MAP1S: variants seen among roughly 807,000 people sequenced by gnomAD.
MAP1S encodes microtubule associated protein 1S.
Under a neutral mutation model 60.9 loss-of-function variants are expected in MAP1S, and 27 were observed. The observed-to-expected ratio is 0.44, with a 90% confidence interval of 0.33 to 0.61. MAP1S has a LOEUF of 0.61. Among genes scored for constraint, MAP1S ranks in the 20% least tolerant of loss-of-function variants. MAP1S has a pLI of 0.03. For synonymous variants in MAP1S, 826 were observed against 694.2 expected (o/e 1.19, Z -2.98); for missense variants, 1,608 against 1,486.6 (o/e 1.08, Z -1.34).
At position 17,726,557 on chromosome 19, in the gene MAP1S, C is replaced by T. The variant is rs1349527948; in HGVS notation, c.1173C>T (p.Gly391=). The T allele has an allele frequency of 1.3e-6, 2 of 1,573,228 alleles. No homozygotes were observed. Among genetic ancestry groups the T allele is most frequent in the South Asian group, 2.3e-5 (2 of 87,080 alleles). Residue 391 remains glycine, a synonymous_variant, in exon 5 of 7, where the codon GGC becomes GGT. Coordinates refer to ENST00000324096, the MANE Select transcript of MAP1S (RefSeq NM_018174.6). ...PTVLFEKMGV[G]RLDMYVLHPP... ...TGCTCTTCGAGAAGATGGGCGTGGG[C>T]CGGCTGGACATGTATGTGCTGCACC...
rs1419858284 is a variant in MAP1S, at chr19:17,727,511, C to A, written c.2127C>A (p.Ser709=). The stretch of plus-strand genomic sequence containing the variant: ...CCTTTGAGCAGGTGCTGCCGCCATC[C>A]GCCCCCACCAGTGAGGCTGGGCTGA... ...SVSFEQVLPP[S]APTSEAGLSL... The change falls in exon 5 of 7, where the codon TCC becomes TCA. Residue 709 remains serine, a synonymous_variant. Transcript: ENST00000324096. The surrounding 1 kb of genome is among the most constrained non-coding windows in gnomAD (Gnocchi z 4.1). 6.2e-7 allele frequency: 1 copy of A among 1,610,854 alleles called. No homozygotes were observed.
At chr19:17,720,900 GGCTGAACTCCC>G (rs764469502) in intron 1 of MAP1S, 25 bp from the exon 2 acceptor site, 2 of 1,534,796 alleles carry the variant, frequency 1.3e-6, no homozygotes, top group South Asian at 2.2e-5. Context: ...TGGGGGGCCC[GGCTGAACTCCC>G]GCCTTGATCC....
chr19:17,726,707 C>G lies in MAP1S; in HGVS notation c.1323C>G (p.Leu441=), dbSNP rs1568292766. The G allele has an allele frequency of 1.3e-6, 2 of 1,591,108 alleles. No individual in the cohort carries two copies. The highest frequency in any genetic ancestry group is 1.7e-6 in the Non-Finnish European group (2 of 1,172,462). ...CCGGTTGCACCCCGCCCGCCTGCCT[C>G]CTGGACGGCCTGGTCCGCCTGCAGC... ...LFPGCTPPAC[L]LDGLVRLQHL... is the part of the protein sequence containing the mutation. Residue 441 remains leucine, a synonymous_variant, in exon 5 of 7, where the codon CTC becomes CTG. Transcript: ENST00000324096.
At chr19:17,733,138 G>T in intron 5 of MAP1S, 55 bp from the exon 6 acceptor site, 2 of 1,255,164 alleles carry the variant, frequency 1.6e-6, no homozygotes, top group Admixed American at 2.4e-5. Context: ...TTGGAGCCTC[G>T]GCCCCTCCCC....
In MAP1S at chr19:17,720,960, C is replaced by T. The variant is rs767956098; in HGVS notation, c.143C>T (p.Pro48Leu). The T allele has an allele frequency of 1.4e-5, 22 of 1,613,992 alleles. No individual in the cohort carries two copies. The Admixed American group carries it at 3.5e-4, about 26-fold the overall frequency. ...ERGIRSWDVD[P>L]GVCNLDEQLK... Reference sequence around the variant, plus strand: ...GGCATCCGGTCTTGGGATGTCGATCCTGGCGTCTGCAACCTTGATGAACAG... The same window carrying T: ...GGCATCCGGTCTTGGGATGTCGATCTTGGCGTCTGCAACCTTGATGAACAG... The change falls in exon 2 of 7, where the codon CCT becomes CTT. Residue 48 changes from proline (P) to leucine (L), a missense_variant. Pro to Leu is a moderately conservative substitution (Grantham distance 98). Coordinates refer to ENST00000324096, the MANE Select transcript of MAP1S (RefSeq NM_018174.6).
At chr19:17,720,852 C>T in intron 1 of MAP1S, 84 bp from the exon 2 acceptor site, 2 of 1,078,238 alleles carry the variant, frequency 1.9e-6, no homozygotes, top group Non-Finnish European at 2.9e-6. Context: ...GGGCGCTCCC[C>T]ACCCACGGGG....
intron 6 of MAP1S, among the ~76,000 whole-genome samples, chr19:17,733,741 T>A (rs1427143921): frequency 6.6e-6 from 1 of 152,134 alleles, no homozygotes; most frequent in Admixed American, 6.5e-5. Context: ...ATGGAATAGG[T>A]GGGCTGGGTG....
rs1170420097 is a variant in MAP1S, at chr19:17,727,062, C to T, written c.1678C>T (p.Pro560Ser). ...NLKKTNAQAA[P>S]KPRKAPSTSH... ...CAAGAAGACGAATGCCCAGGCGGCACCCAAGCCCCGCAAAGCGCCCAGCAC... is the reference window on the plus strand; with the variant it reads ...CAAGAAGACGAATGCCCAGGCGGCATCCAAGCCCCGCAAAGCGCCCAGCAC... Residue 560 changes from proline to serine, a missense_variant, in exon 5 of 7, where the codon CCC (proline) becomes TCC (serine). Physicochemically the swap from Pro to Ser is moderately conservative, Grantham distance 74. Around this residue, in one of 4 missense-constraint regions of MAP1S, gnomAD observed 1,167 missense variants for 961.4 expected, o/e 1.21. Coordinates refer to ENST00000324096, the MANE Select transcript of MAP1S (RefSeq NM_018174.6). The surrounding 1 kb of genome is among the most constrained non-coding windows in gnomAD (Gnocchi z 4.1). 6.2e-7 allele frequency: 1 copy of T among 1,606,436 alleles called. No homozygotes were observed. The highest frequency in any genetic ancestry group is 1.7e-5 in the Admixed American group (1 of 59,428).
At position 17,725,075 on chromosome 19, in the gene MAP1S, C is replaced by T. The variant is rs772019862; in HGVS notation, c.330C>T (p.Ala110=). The T allele has an allele frequency of 1.9e-6, 3 of 1,614,070 alleles. No homozygotes were observed. Among genetic ancestry groups the T allele is most frequent in the Middle Eastern group, 3.3e-4 (2 of 6,084 alleles). ...DELRNLLLDP[A]SHKLLVLAGP... Reference sequence around the variant, plus strand: ...TCCGGAACCTTCTGTTGGACCCTGCCTCTCACAAGCTACTGGTGTTGGCTG... The same window carrying T: ...TCCGGAACCTTCTGTTGGACCCTGCTTCTCACAAGCTACTGGTGTTGGCTG... The change falls in exon 4 of 7, where the codon GCC becomes GCT. Residue 110 remains alanine (A), a synonymous_variant. Coordinates refer to ENST00000324096, the MANE Select transcript of MAP1S (RefSeq NM_018174.6). This position sits in a 1 kb window ranked among gnomAD's most constrained non-coding sequence, Gnocchi z 4.2.
chr19:17,723,008 T>G (rs762132074), intron 2 of MAP1S, among the ~76,000 whole-genome samples: 17 of 152,092 alleles, frequency 1.1e-4, no homozygotes, highest in Non-Finnish European at 2.2e-4. Context: ...GGGTTGGCCC[T>G]CACCGGCCCC....
chr19:17,731,482 G>C (rs927206328), intron 5 of MAP1S, among the ~76,000 whole-genome samples: 1 of 152,170 alleles, frequency 6.6e-6, no homozygotes, highest in African/African-American at 2.4e-5. Context: ...CTTTATGCCA[G>C]TGCCACGCTG....
chr19:17,723,370 A>C (rs944995082), intron 2 of MAP1S, among the ~76,000 whole-genome samples: 1 of 150,434 alleles, frequency 6.6e-6, no homozygotes, highest in East Asian at 2.0e-4. Context: ...CACATGTTAA[A>C]ACCCCGTCTC....
At chr19:17,728,415 ATTTTAAAGT>A (rs2145978366) in intron 5 of MAP1S, among the ~76,000 whole-genome samples, 1 of 152,198 alleles carries the variant, frequency 6.6e-6, no homozygotes, top group South Asian at 2.1e-4. Flanking sequence ...CCCCTGCCTA[ATTTTAAAGT>A]TTTTGGTAGA....
rs200708805 is a variant in MAP1S at position 17,724,081 on chromosome 19, C to T, written c.221-45C>T. ...GGGTTCATGTTCCCTGAGGGTCACA[C>T]GGGGAGGCAGGATTTGACTCCGGGA... On this transcript the variant is annotated intron_variant, in intron 2 of 6. Coordinates refer to ENST00000324096, the MANE Select transcript of MAP1S (RefSeq NM_018174.6). 6.5e-4 allele frequency: 977 copies of T among 1,506,746 alleles called. 7 individuals carry two copies. In the African/African-American group the frequency reaches 0.012, roughly 19 times the overall value. The allele number at this position is 1,506,746 out of a possible 1,614,324, so 93.3% of individuals were successfully genotyped here. A position where few individuals can be genotyped will look rare whatever the true frequency, so the allele number is the denominator to read the frequency against.
intron 5 of MAP1S, among the ~76,000 whole-genome samples, chr19:17,731,220 C>A (rs2080490837): frequency 6.6e-6 from 1 of 152,092 alleles, no homozygotes; most frequent in Admixed American, 6.6e-5. Context: ...AAGCTTCTAC[C>A]CCATGTTTTC....
chr19:17,726,769 A>T lies in MAP1S; in HGVS notation c.1385A>T (p.Gln462Leu). Residue 462 changes from glutamine (Q) to leucine (L), a missense_variant, in exon 5 of 7, where the codon CAG becomes CTG. Around this residue, in one of 4 missense-constraint regions of MAP1S, gnomAD observed 1,167 missense variants for 961.4 expected, o/e 1.21. Coordinates refer to ENST00000324096, the MANE Select transcript of MAP1S (RefSeq NM_018174.6). ...RFLREPVVTPQDLEGPGRAES... is the reference protein window; with the variant it reads ...RFLREPVVTPLDLEGPGRAES... ...CTGCGAGAGCCCGTGGTGACGCCCCAGGACCTGGAGGGGCCGGGGCGAGCC... is the reference window on the plus strand; with the variant it reads ...CTGCGAGAGCCCGTGGTGACGCCCCTGGACCTGGAGGGGCCGGGGCGAGCC... 1 of 1,556,604 alleles carries T rather than the reference A, an allele frequency of 6.4e-7. No homozygotes were observed. The highest frequency in any genetic ancestry group is 1.2e-5 in the South Asian group (1 of 84,708).
In MAP1S at chr19:17,724,052, AGAGGGGTTCATGTTCCCT is replaced by A. The variant is rs1431404211; in HGVS notation, c.221-68_221-51del. 4 of 1,187,928 alleles carry A rather than the reference AGAGGGGTTCATGTTCCCT, an allele frequency of 3.4e-6. No individual in the cohort carries two copies. The African/African-American group carries it at 6.0e-5, about 18-fold the overall frequency. The allele number at this position is 1,187,928 out of a possible 1,614,324, so 73.6% of individuals were successfully genotyped here. ...CCATATGATCCCTGGGTGGGTTCCC[AGAGGGGTTCATGTTCCCT>A]GAGGGTCACACGGGGAGGCAGGATT... On this transcript the variant is annotated intron_variant, in intron 2 of 6. Coordinates refer to ENST00000324096, the MANE Select transcript of MAP1S (RefSeq NM_018174.6).
chr19:17,726,500 C>T lies in MAP1S; in HGVS notation c.1116C>T (p.Leu372=). ...LAQLGITPLP[L]SRGPVPAKPT... ...AGCTGGGCATCACGCCTCTGCCACTCAGCCGCGGCCCCGTGCCAGCCAAAC... is the reference window on the plus strand; with the variant it reads ...AGCTGGGCATCACGCCTCTGCCACTTAGCCGCGGCCCCGTGCCAGCCAAAC... Residue 372 remains leucine (L), a synonymous_variant, in exon 5 of 7, where the codon CTC becomes CTT. Transcript: ENST00000324096. 1 of 1,550,538 alleles carries T rather than the reference C, an allele frequency of 6.4e-7. No homozygotes were observed. The highest frequency in any genetic ancestry group is 8.7e-7 in the Non-Finnish European group (1 of 1,152,460).
In MAP1S at chr19:17,734,417, G is replaced by A. The variant is rs916491243; in HGVS notation, c.3169G>A (p.Val1057Met). Residue 1057 changes from valine (V) to methionine (M), a missense_variant, in exon 7 of 7, where the codon GTG becomes ATG. Physicochemically the swap from Val to Met is conservative, Grantham distance 21. Transcript: ENST00000324096. ...MQDDAFPACKVEF is the reference protein window; with the variant it reads ...MQDDAFPACKMEF ...GGATGACGCCTTCCCGGCCTGCAAG[G>A]TGGAGTTCTAGCCCCATCGCCGACA... 7 of 1,612,132 alleles carry A rather than the reference G, an allele frequency of 4.3e-6. No homozygotes were observed. Among genetic ancestry groups the A allele is most frequent in the Non-Finnish European group, 5.9e-6 (7 of 1,179,664 alleles).
Sources: gnomAD v4.1 joint callset for allele counts (sites outside exome capture counted in the v4.1 genomes callset) on GRCh38, gnomAD v4.1.1 for gene constraint, gnomAD v4.1.1 regional missense constraint, Gnocchi (gnomAD v3.1) non-coding constraint, MANE v1.5 for transcripts, NCBI Gene and HGNC (gene_info 2026-07-23, HGNC 2026-07-21) for gene names.